The following PAG1 variants were observed in gnomAD, a reference collection of about 807,000 sequenced individuals.
PAG1 encodes the protein phosphoprotein membrane anchor with glycosphingolipid microdomains 1.
In PAG1, 23 loss-of-function variants were observed where a neutral mutation model predicts 31.7. The observed-to-expected ratio is 0.73, with a 90% CI of 0.52 to 1.03. The LOEUF is 1.03. Among genes scored for constraint, PAG1 ranks in the 50% least tolerant of loss-of-function variants. The pLI is 0.00. For synonymous variants in PAG1, 214 were observed against 210.3 expected (o/e 1.02, Z -0.15); for missense variants, 473 against 540.7 (o/e 0.87, Z 1.24).
intron 1 of PAG1, among the ~76,000 whole-genome samples, chr8:81,072,732 T>C (rs1284057724): frequency 1.3e-5 from 2 of 152,256 alleles, no homozygotes; most frequent in East Asian, 3.9e-4. Flanking sequence ...CATACTCTCA[T>C]ATTTATATCT....
At chr8:81,096,942 C>G (rs543374144) in intron 1 of PAG1, among the ~76,000 whole-genome samples, 1 of 152,344 alleles carries the variant, frequency 6.6e-6, no homozygotes, top group East Asian at 1.9e-4. Context: ...AGAACTCATT[C>G]TCTTCAGCTG....
rs149949579 is a variant in PAG1, at chr8:80,998,413, C to G, written c.-80-5106G>C. 1.7e-4 allele frequency among the ~76,000 whole-genome samples: 26 copies of G among 152,194 alleles called. No individual in the cohort carries two copies. The East Asian group carries it at 4.2e-3, about 25-fold the overall frequency. Reference sequence around the variant, plus strand: ...AAAGTGCTGGGATTACAGGCGTGAACCACCATGACCGGCCAGCAGGTGTCA... The same window carrying G: ...AAAGTGCTGGGATTACAGGCGTGAAGCACCATGACCGGCCAGCAGGTGTCA... On this transcript the variant is annotated intron_variant, in intron 3 of 8. Coordinates refer to ENST00000220597, the MANE Select transcript of PAG1 (RefSeq NM_018440.4).
chr8:80,978,352 T>A (rs1017726403), intron 8 of PAG1, among the ~76,000 whole-genome samples: 3 of 152,180 alleles, frequency 2.0e-5, no homozygotes, highest in Non-Finnish European at 4.4e-5. Flanking sequence ...ATAAAAAAAA[T>A]TCACTGCTGT....
chr8:81,009,524 T>C (rs1807943739), intron 3 of PAG1, among the ~76,000 whole-genome samples: 1 of 152,224 alleles, frequency 6.6e-6, no homozygotes, highest in Admixed American at 6.5e-5. Flanking sequence ...ATATGAGATA[T>C]AGAGACTAAG....
At chr8:81,043,243 A>G (rs1808585061) in intron 2 of PAG1, among the ~76,000 whole-genome samples, 1 of 152,052 alleles carries the variant, frequency 6.6e-6, no homozygotes, top group Admixed American at 6.6e-5. Flanking sequence ...GTAAATGTCC[A>G]GTTTTGGTAT....
intron 2 of PAG1, among the ~76,000 whole-genome samples, chr8:81,069,309 C>T (rs1264112781): frequency 6.6e-6 from 1 of 152,204 alleles, no homozygotes; most frequent in African/African-American, 2.4e-5. Context: ...ATTGGGAAAA[C>T]TTAGACCAGA....
chr8:80,996,763 C>T (rs192783281), intron 3 of PAG1, among the ~76,000 whole-genome samples: 9 of 152,316 alleles, frequency 5.9e-5, no homozygotes, highest in African/African-American at 2.2e-4. Context: ...CCCTTAAATG[C>T]AGTGCTTGGG....
intron 1 of PAG1, among the ~76,000 whole-genome samples, chr8:81,108,434 AT>A (rs925929023): frequency 8.6e-5 from 13 of 150,782 alleles, no homozygotes; most frequent in African/African-American, 1.5e-4. Flanking sequence ...AAGAGTTTTG[AT>A]TTTTTTTTTA....
chr8:81,093,184 C>A (rs1309293515), intron 1 of PAG1, among the ~76,000 whole-genome samples: 3 of 152,168 alleles, frequency 2.0e-5, no homozygotes, highest in Admixed American at 2.0e-4. Context: ...TGACTGTATG[C>A]CTTACCTGAA....
chr8:81,007,164 T>C (rs1306658290), intron 3 of PAG1, among the ~76,000 whole-genome samples: 2 of 152,156 alleles, frequency 1.3e-5, no homozygotes, highest in Non-Finnish European at 2.9e-5. Flanking sequence ...GCGGCAAGGT[T>C]TGCAGGTAGG....
intron 3 of PAG1, among the ~76,000 whole-genome samples, chr8:81,002,125 T>C (rs1442346620): frequency 6.6e-6 from 1 of 152,206 alleles, no homozygotes; most frequent in Non-Finnish European, 1.5e-5. Flanking sequence ...GCCAGTTTAC[T>C]GAGACCAGCA....
intron 2 of PAG1, among the ~76,000 whole-genome samples, chr8:81,060,986 T>C (rs1239178292): frequency 6.6e-6 from 1 of 152,226 alleles, no homozygotes; most frequent in Non-Finnish European, 1.5e-5. Flanking sequence ...AATAGCTTCA[T>C]TCATACACAT....
intron 3 of PAG1, among the ~76,000 whole-genome samples, chr8:81,025,354 C>A (rs931547379): frequency 6.6e-6 from 1 of 152,182 alleles, no homozygotes; most frequent in African/African-American, 2.4e-5. Context: ...ACATATCCAA[C>A]CATGAATAAA....
chr8:81,106,379 T>C (rs929851431), intron 1 of PAG1, among the ~76,000 whole-genome samples: 15 of 142,278 alleles, frequency 1.1e-4, no homozygotes, highest in African/African-American at 3.7e-4. Flanking sequence ...TCTTCTTCCG[T>C]ATTTTTTTTT....
intron 1 of PAG1, among the ~76,000 whole-genome samples, chr8:81,077,881 C>A (rs900734429): frequency 2.0e-5 from 3 of 152,152 alleles, no homozygotes; most frequent in Non-Finnish European, 4.4e-5. Flanking sequence ...TCAAAGAGAG[C>A]CAGAAGGGAA....
intron 2 of PAG1, among the ~76,000 whole-genome samples, chr8:81,065,440 T>C (rs1471222653): frequency 6.6e-6 from 1 of 152,186 alleles, no homozygotes; most frequent in Non-Finnish European, 1.5e-5. Flanking sequence ...AACTCACTGC[T>C]GTTTAAATTA....
At chr8:81,105,893 C>A (rs569034789) in intron 1 of PAG1, among the ~76,000 whole-genome samples, 20 of 152,266 alleles carry the variant, frequency 1.3e-4, no homozygotes, top group Admixed American at 3.9e-4. Flanking sequence ...GACAGTAATG[C>A]TGATTTAGTC....
chr8:81,057,618 T>C (rs1808848392), intron 2 of PAG1, among the ~76,000 whole-genome samples: 1 of 151,210 alleles, frequency 6.6e-6, no homozygotes, highest in South Asian at 2.1e-4. Flanking sequence ...CTAATGCAAA[T>C]GACGAGTTAA....
chr8:81,093,080 T>A (rs1436127944), intron 1 of PAG1, among the ~76,000 whole-genome samples: 1 of 152,164 alleles, frequency 6.6e-6, no homozygotes, highest in Non-Finnish European at 1.5e-5. Context: ...AGTGAAGACA[T>A]ATACTAAAAA....
Sources: gnomAD v4.1 joint callset for allele counts (sites outside exome capture counted in the v4.1 genomes callset) on GRCh38, gnomAD v4.1.1 for gene constraint, MANE v1.5 for transcripts, NCBI Gene and HGNC (gene_info 2026-07-23, HGNC 2026-07-21) for gene names.